WASHC2A: variants seen among roughly 807,000 people sequenced by gnomAD.
WASHC2A encodes WASH complex subunit FAM21A.
A neutral mutation model predicts 140.3 loss-of-function variants in WASHC2A; 82 were observed. That is an observed-to-expected ratio of 0.58 (90% confidence interval 0.49 to 0.70). WASHC2A has a LOEUF of 0.70. WASHC2A is among the 30% of genes least tolerant of loss of function. The pLI is 0.00. For synonymous variants in WASHC2A, 340 were observed against 560.8 expected (o/e 0.61, Z 5.56); for missense variants, 985 against 1,521.8 (o/e 0.65, Z 5.87).
At chr10:50,120,287 G>A (rs1283739329) in intron 23 of WASHC2A, among the ~76,000 whole-genome samples, 25 of 145,212 alleles carry the variant, frequency 1.7e-4, no homozygotes, top group Admixed American at 4.7e-4. Context: ...CATGAAGATG[G>A]ATGGGCATGA....
chr10:50,110,892 C>CAAAA (rs1239943523), intron 20 of WASHC2A, among the ~76,000 whole-genome samples: 13 of 69,712 alleles, frequency 1.9e-4, no homozygotes, highest in African/African-American at 5.4e-4. Flanking sequence ...GACTCCATCT[C>CAAAA]AAAAAAAAAA....
At chr10:50,076,958 C>T (rs1838391621) in intron 3 of WASHC2A, among the ~76,000 whole-genome samples, 1 of 150,164 alleles carries the variant, frequency 6.7e-6, no homozygotes, top group Admixed American at 6.6e-5. Context: ...ACTAAAAATA[C>T]AAAAAAAATT....
At chr10:50,131,835 C>T (rs1479007256) in intron 30 of WASHC2A, among the ~76,000 whole-genome samples, 2 of 152,196 alleles carry the variant, frequency 1.3e-5, no homozygotes, top group African/African-American at 4.8e-5. Context: ...CAGAAGGGAA[C>T]TCATTCATTA....
rs1482493955 is a variant in WASHC2A, at chr10:50,102,353, G to A, written c.1636-1689G>A. 2.1e-3 allele frequency among the ~76,000 whole-genome samples: 324 copies of A among 152,278 alleles called. 3 individuals carry two copies. The highest frequency in any genetic ancestry group is 7.6e-3 in the African/African-American group (317 of 41,540). ...GTCATTTTGGGGGAACATATTTGAG[G>A]TAATGGAAGTGTCTTTTCTTGCAGT... On this transcript the variant is annotated intron_variant, in intron 17 of 30. Transcript: ENST00000282633.
At position 50,129,438 on chromosome 10, in the gene WASHC2A, GGAAGCGTAGACCGCA is replaced by G. The variant is rs1406089031; in HGVS notation, c.3110_3124del (p.Lys1037_Gln1041del). 6.2e-6 allele frequency: 10 copies of G among 1,612,032 alleles called. No homozygotes were observed. Among genetic ancestry groups the G allele is most frequent in the Non-Finnish European group, 8.5e-6 (10 of 1,179,862 alleles). On this transcript the variant is annotated inframe_deletion, in exon 29 of 31. Coordinates refer to ENST00000282633, the MANE Select transcript of WASHC2A (RefSeq NM_001005751.3). ...TTGCAGAGCCGTGTCAAGATGAGAG[GGAAGCGTAGACCGCA>G]GACCCGTGCAGCTAGGCGGCTGGCT...
At position 50,091,449 on chromosome 10, in the gene WASHC2A, T is replaced by C; in HGVS notation, c.862T>C (p.Ser288Pro). The C allele has an allele frequency of 6.5e-7, 1 of 1,550,186 alleles. No homozygotes were observed. The highest frequency in any genetic ancestry group is 2.4e-5 in the East Asian group (1 of 41,178). The change falls in exon 10 of 31, where the codon TCG (serine) becomes CCG (proline). Residue 288 changes from serine to proline, a missense_variant. By Grantham distance (74) the Ser-to-Pro change is moderately conservative (BLOSUM62 -1). Coordinates refer to ENST00000282633, the MANE Select transcript of WASHC2A (RefSeq NM_001005751.3). ...NTRPKRSRPT[S>P]FADELAARIK... ...GCTGTAGAAAAGAAGCAGACCTACA[T>C]CGTTTGCAGATGAGCTGGCTGCCCG...
intron 23 of WASHC2A, among the ~76,000 whole-genome samples, chr10:50,120,618 C>CAA (rs1161708139): frequency 9.8e-4 from 37 of 37,584 alleles, no homozygotes; most frequent in African/African-American, 2.3e-3. Flanking sequence ...GACTCCATCT[C>CAA]AAAAAAAAAA....
intron 23 of WASHC2A, among the ~76,000 whole-genome samples, chr10:50,124,027 CAAT>C (rs1554894076): frequency 6.6e-6 from 1 of 152,074 alleles, no homozygotes; most frequent in African/African-American, 2.4e-5. Flanking sequence ...TTATATATAA[CAAT>C]AATAATTATT....
chr10:50,130,914 C>T lies in WASHC2A; in HGVS notation c.3722C>T (p.Ala1241Val), dbSNP rs1197675614. ...TGGCTTAACAAGGATGATATATTTG[C>T]TACGGAAGCAATTAAACCCTCTCAG... ...TQDIFEDDIF[A>V]TEAIKPSQKT... Residue 1241 changes from alanine to valine, a missense_variant, in exon 30 of 31, where the codon GCT (alanine) becomes GTT (valine). Transcript: ENST00000282633. 3 of 1,602,210 alleles carry T rather than the reference C, an allele frequency of 1.9e-6. No individual in the cohort carries two copies. Among genetic ancestry groups the T allele is most frequent in the Non-Finnish European group, 1.7e-6 (2 of 1,177,524 alleles).
Position 50,069,660 on chromosome 10 carries a change from T to C in WASHC2A, c.240T>C (p.His80=). ...RETKATDCRL[H]NVFNDFLMLS... is the part of the protein sequence containing the mutation. ...CCAAAGCCACAGATTGTCGCCTGCATAATGTCTTCAATGACTTCCTTATGC... is the reference window on the plus strand; with the variant it reads ...CCAAAGCCACAGATTGTCGCCTGCACAATGTCTTCAATGACTTCCTTATGC... Residue 80 remains histidine (H), a synonymous_variant, in exon 3 of 31, where the codon CAT becomes CAC. Coordinates refer to ENST00000282633, the MANE Select transcript of WASHC2A (RefSeq NM_001005751.3). The C allele has an allele frequency of 6.2e-7, 1 of 1,614,028 alleles. No homozygotes were observed. Among genetic ancestry groups the C allele is most frequent in the Non-Finnish European group, 8.5e-7 (1 of 1,179,876 alleles).
chr10:50,116,196 G>A (rs1204583268), intron 21 of WASHC2A, among the ~76,000 whole-genome samples: 2 of 122,246 alleles, frequency 1.6e-5, no homozygotes, highest in Non-Finnish European at 3.4e-5. Context: ...ATTAAAACTG[G>A]TACTTTGGGT....
In WASHC2A at chr10:50,133,051, A is replaced by G. The variant is rs1589299897; in HGVS notation, c.*106A>G. 3.1e-6 allele frequency: 5 copies of G among 1,597,250 alleles called. No homozygotes were observed. The East Asian group carries it at 1.1e-4, about 36-fold the overall frequency. ...TGGATTACAAAAAGCAAATACTAGAACAGCTAGCTCATCGTTCACCCAATG... is the reference window on the plus strand; with the variant it reads ...TGGATTACAAAAAGCAAATACTAGAGCAGCTAGCTCATCGTTCACCCAATG... On this transcript the variant is annotated 3_prime_UTR_variant, in exon 31 of 31. Coordinates refer to ENST00000282633, the MANE Select transcript of WASHC2A (RefSeq NM_001005751.3).
chr10:50,104,572 G>C (rs1841562007), intron 18 of WASHC2A, among the ~76,000 whole-genome samples: 2 of 152,040 alleles, frequency 1.3e-5, no homozygotes, highest in African/African-American at 4.8e-5. Context: ...GGCCAGGCTA[G>C]TTTCGAACTC....
chr10:50,068,150 C>T lies in WASHC2A; in HGVS notation c.49C>T (p.Pro17Ser), dbSNP rs200628719. The change falls in exon 2 of 31, where the codon CCC (proline) becomes TCC (serine). Residue 17 changes from proline to serine, a missense_variant. Physicochemically the swap from Pro to Ser is moderately conservative, Grantham distance 74 (BLOSUM62 -1). Transcript: ENST00000282633. ...PDQELAPASE[P>S]VWERPWSVEE... is the part of the protein sequence containing the mutation. ...CCAGGAGCTGGCGCCAGCGTCGGAG[C>T]CCGTGTGGGAGCGGCCGTGGTCGGT... The T allele has an allele frequency of 5.2e-5, 83 of 1,602,520 alleles. 3 individuals carry two copies. In the African/African-American group the frequency reaches 1.1e-3, roughly 21 times the overall value.
rs1282551190 is a variant in WASHC2A, at chr10:50,129,577, G to T, written c.3246G>T (p.Gln1082His). Residue 1082 changes from glutamine (Q) to histidine (H), a missense_variant, in exon 29 of 31, where the codon CAG (glutamine) becomes CAT (histidine). Physicochemically the swap from Gln to His is conservative, Grantham distance 24 (BLOSUM62 0). Transcript: ENST00000282633. ...GAISPNGHRP[Q>H]LRAASGEDST... is the part of the protein sequence containing the mutation. ...TTTCCCCAAATGGCCATCGGCCACA[G>T]CTCAGAGCAGCCAGTGGAGAAGACA... 7 of 1,612,058 alleles carry T rather than the reference G, an allele frequency of 4.3e-6. No homozygotes were observed. The highest frequency in any genetic ancestry group is 5.1e-6 in the Non-Finnish European group (6 of 1,179,866).
Position 50,129,726 on chromosome 10 carries a change from C to A in WASHC2A, c.3395C>A (p.Ser1132Tyr). The change falls in exon 29 of 31, where the codon TCT becomes TAT. Residue 1132 changes from serine to tyrosine, a missense_variant. Coordinates refer to ENST00000282633, the MANE Select transcript of WASHC2A (RefSeq NM_001005751.3). ...HSRGEADLFD[S>Y]GDIFSTGTGS... The stretch of plus-strand genomic sequence containing the variant: ...AGAGGGGAGGCTGACCTTTTTGATT[C>A]TGGGGACATCTTTTCCACGGGCACT... The A allele has an allele frequency of 6.2e-7, 1 of 1,612,048 alleles. No homozygotes were observed. Among genetic ancestry groups the A allele is most frequent in the South Asian group, 1.1e-5 (1 of 90,988 alleles).
chr10:50,121,546 A>C (rs1843019929), intron 23 of WASHC2A, among the ~76,000 whole-genome samples: 1 of 150,692 alleles, frequency 6.6e-6, no homozygotes, highest in South Asian at 2.1e-4. Context: ...GGCACCCACC[A>C]CCATGCCCAG....
intron 30 of WASHC2A, among the ~76,000 whole-genome samples, chr10:50,131,458 C>CAG (rs1843962959): frequency 6.6e-6 from 1 of 152,166 alleles, no homozygotes; most frequent in African/African-American, 2.4e-5. Flanking sequence ...TTGGTTGAGT[C>CAG]AGAGCTCCAG....
Position 50,112,558 on chromosome 10 carries a change from T to A in WASHC2A, c.2040-1337T>A, listed in dbSNP as rs188018523. 8.6e-3 allele frequency: 1,934 copies of A among 223,984 alleles called. 354 individuals are homozygous for A. Among genetic ancestry groups the A allele is most frequent in the Admixed American group, 0.011 (90 of 8,172 alleles). The allele number at this position is 223,984 out of a possible 1,614,324, so 13.9% of individuals were successfully genotyped here. A position where few individuals can be genotyped will look rare whatever the true frequency, so the allele number is the denominator to read the frequency against. ...ATAGTTTCATTCCTATGTATATACG[T>A]ATAAAGAGAAATGAAATTAGTTGTT... is the stretch of plus-strand genomic sequence containing the variant. On this transcript the variant is annotated intron_variant, in intron 20 of 30. Coordinates refer to ENST00000282633, the MANE Select transcript of WASHC2A (RefSeq NM_001005751.3).
Sources: allele counts gnomAD v4.1 joint callset (sites outside exome capture counted in the v4.1 genomes callset), GRCh38; gene constraint gnomAD v4.1.1; transcripts MANE v1.5; gene names NCBI Gene and HGNC (gene_info 2026-07-23, HGNC 2026-07-21).